Variants in SNAP47 observed in about 807,000 individuals in gnomAD.
The protein encoded by SNAP47 is synaptosome associated protein 47.
A neutral mutation model predicts 31.4 loss-of-function variants in SNAP47; 20 were observed. That is an observed-to-expected ratio of 0.64 (90% CI 0.45 to 0.93). The LOEUF (loss-of-function observed/expected upper bound fraction) is 0.93, where lower values mean the gene tolerates loss of function less well. Ranked by LOEUF, SNAP47 falls within the 40% of genes least tolerant of loss-of-function variation. SNAP47 has a pLI of 0.00. For missense variants in SNAP47, 492 were observed against 528.5 expected, an observed-to-expected ratio of 0.93 and a Z score of 0.68; for synonymous variants, 194 against 213.4, an observed-to-expected ratio of 0.91 and a Z score of 0.79.
Position 227,766,979 on chromosome 1 carries a change from A to G in SNAP47, c.1009A>G (p.Thr337Ala). The G allele has an allele frequency of 6.2e-7, 1 of 1,613,810 alleles. No individual in the cohort carries two copies. The highest frequency in any genetic ancestry group is 1.6e-4 in the Middle Eastern group (1 of 6,062). ...WHAASGLMGR[T>A]LHREPPAGDQ... Reference sequence around the variant, plus strand: ...TGCAGCATCTGGGCTGATGGGCCGTACCCTGCACCGTGAGCCACCCGCAGG... The same window carrying G: ...TGCAGCATCTGGGCTGATGGGCCGTGCCCTGCACCGTGAGCCACCCGCAGG... The change falls in exon 4 of 5, where the codon ACC (threonine) becomes GCC (alanine). Residue 337 changes from threonine (T) to alanine (A), a missense_variant. By Grantham distance (58) the Thr-to-Ala change is moderately conservative. Coordinates refer to ENST00000617596, the MANE Select transcript of SNAP47 (RefSeq NM_053052.4).
chr1:227,756,962 C>T (rs1662738348), intron 2 of SNAP47, among the ~76,000 whole-genome samples: 2 of 152,226 alleles, frequency 1.3e-5, no homozygotes, highest in Admixed American at 1.3e-4. Context: ...TTGTTCACCT[C>T]GATCTCACTT....
chr1:227,763,999 G>C lies in SNAP47; in HGVS notation c.989-2960G>C, dbSNP rs1049468842. On this transcript the variant is annotated intron_variant, in intron 3 of 4. Coordinates refer to ENST00000617596, the MANE Select transcript of SNAP47 (RefSeq NM_053052.4). The surrounding 1 kb of genome is among the most constrained non-coding windows in gnomAD (Gnocchi z 4.2). The stretch of plus-strand genomic sequence containing the variant: ...TGACCAAGACATTCTGCAGCCAGCA[G>C]TGTGCCCTGGGCTCTTCCTGGGCTG... Among the ~76,000 whole-genome samples the C allele has an allele frequency of 6.6e-6, 1 of 152,226 alleles. No homozygotes were observed. Among genetic ancestry groups the C allele is most frequent in the Non-Finnish European group, 1.5e-5 (1 of 68,034 alleles).
intron 4 of SNAP47, among the ~76,000 whole-genome samples, chr1:227,778,254 G>A (rs1468352756): frequency 6.6e-6 from 1 of 152,192 alleles, no homozygotes; most frequent in Non-Finnish European, 1.5e-5. Flanking sequence ...TAACAGAAAA[G>A]ACAAATAGTG....
upstream of SNAP47, chr1:227,735,124 C>T: frequency 4.4e-6 from 7 of 1,578,536 alleles, no homozygotes; most frequent in Non-Finnish European, 6.0e-6. Context: ...GCAGGTTGGG[C>T]AGCAAGAAGC....
chr1:227,735,210 C>T (rs768777109), upstream of SNAP47: 2 of 1,586,580 alleles, frequency 1.3e-6, no homozygotes, highest in East Asian at 2.3e-5. Context: ...TGGCCGACGC[C>T]GGGGACATCG....
chr1:227,737,277 C>T (rs746769808), intron 1 of SNAP47, among the ~76,000 whole-genome samples: 1 of 152,144 alleles, frequency 6.6e-6, no homozygotes, highest in African/African-American at 2.4e-5. Context: ...AGGTGCTCTG[C>T]GAGAGAGTGC....
chr1:227,765,121 C>T (rs1165185360), intron 3 of SNAP47, among the ~76,000 whole-genome samples: 2 of 152,330 alleles, frequency 1.3e-5, no homozygotes. Context: ...AGCACACAGT[C>T]CTTCAGCTCC....
At chr1:227,742,759 G>T (rs1270832896) in intron 1 of SNAP47, among the ~76,000 whole-genome samples, 1 of 152,244 alleles carries the variant, frequency 6.6e-6, no homozygotes, top group East Asian at 1.9e-4. Context: ...CCAGGGCTGA[G>T]CAGGGAGGGC....
chr1:227,739,919 G>A (rs968291921), intron 1 of SNAP47, among the ~76,000 whole-genome samples: 4 of 152,240 alleles, frequency 2.6e-5, no homozygotes, highest in Non-Finnish European at 4.4e-5. Context: ...CAGGGACACC[G>A]TGAGGGCTCC....
chr1:227,776,969 C>T, intron 4 of SNAP47: 4 of 985,386 alleles, frequency 4.1e-6, no homozygotes, highest in Non-Finnish European at 4.8e-6. Flanking sequence ...CTTCTATAGG[C>T]AGATCAGCTG....
intron 1 of SNAP47, chr1:227,746,430 G>A (rs1193267550): frequency 6.6e-6 from 1 of 152,290 alleles, no homozygotes; most frequent in Non-Finnish European, 1.5e-5. Context: ...ATACAATTAA[G>A]GTCCCATTTG....
At chr1:227,753,747 G>A (rs1160446903) in intron 2 of SNAP47, among the ~76,000 whole-genome samples, 2 of 152,052 alleles carry the variant, frequency 1.3e-5, no homozygotes, top group East Asian at 3.9e-4. Flanking sequence ...CCCCTCACAG[G>A]GCATTCAACA....
At chr1:227,746,939 G>A (rs1662001255) in intron 1 of SNAP47, 1 of 152,220 alleles carries the variant, frequency 6.6e-6, no homozygotes, top group South Asian at 2.1e-4. Context: ...TGTACGATGA[G>A]ACAGTTGGGC....
intron 2 of SNAP47, among the ~76,000 whole-genome samples, chr1:227,752,541 C>T (rs1026184388): frequency 6.6e-6 from 1 of 152,160 alleles, no homozygotes; most frequent in African/African-American, 2.4e-5. Context: ...CAGGTCTGTC[C>T]ATCTTGGTGA....
intron 3 of SNAP47, among the ~76,000 whole-genome samples, chr1:227,765,057 T>C (rs12127819): frequency 6.7e-6 from 1 of 148,838 alleles, no homozygotes; most frequent in Non-Finnish European, 1.5e-5. Flanking sequence ...AGTTGTTGTT[T>C]TTTAAAGCCC....
chr1:227,776,585 C>T (rs1664174302), intron 4 of SNAP47: 1 of 985,376 alleles, frequency 1.0e-6, no homozygotes, highest in Non-Finnish European at 1.2e-6. Flanking sequence ...ACAACTGTTT[C>T]TAGGGTTTGG....
At chr1:227,757,390 A>G (rs1447282973) in intron 2 of SNAP47, among the ~76,000 whole-genome samples, 4 of 152,232 alleles carry the variant, frequency 2.6e-5, no homozygotes, top group Admixed American at 2.6e-4. Context: ...TACTGCATCA[A>G]AAATCTTACA....
rs991140135 is a variant in SNAP47 at position 227,763,668 on chromosome 1, C to T, written c.989-3291C>T. Among the ~76,000 whole-genome samples the T allele has an allele frequency of 3.9e-5, 6 of 152,184 alleles. No individual in the cohort carries two copies. Among genetic ancestry groups the T allele is most frequent in the African/African-American group, 1.4e-4 (6 of 41,444 alleles). ...GAGGATGCCGCTCAGCCCCCACCTG[C>T]GCGTGCGTATTGGTTGAGTGGGAGA... On this transcript the variant is annotated intron_variant, in intron 3 of 4. Coordinates refer to ENST00000617596, the MANE Select transcript of SNAP47 (RefSeq NM_053052.4). This position sits in a 1 kb window ranked among gnomAD's most constrained non-coding sequence, Gnocchi z 4.2.
rs1271399641 is a variant in SNAP47, at chr1:227,741,598, C to T, written c.-45-6094C>T. 2.6e-5 allele frequency among the ~76,000 whole-genome samples: 4 copies of T among 151,992 alleles called. No homozygotes were observed. The highest frequency in any genetic ancestry group is 1.3e-4 in the Admixed American group (2 of 15,266). ...AGTGCAGTGCCTGGCATGGGAGGGC[C>T]GGAGAGGTCTGGGGGCTGAGAGAGA... On this transcript the variant is annotated intron_variant, in intron 1 of 4. Coordinates refer to ENST00000617596, the MANE Select transcript of SNAP47 (RefSeq NM_053052.4). The surrounding 1 kb of genome is among the most constrained non-coding windows in gnomAD (Gnocchi z 4.2).
Sources: allele counts gnomAD v4.1 joint callset (sites outside exome capture counted in the v4.1 genomes callset), GRCh38; gene constraint gnomAD v4.1.1; non-coding constraint Gnocchi (gnomAD v3.1); transcripts MANE v1.5; gene names NCBI Gene and HGNC (gene_info 2026-07-23, HGNC 2026-07-21).